The following MBD5 variants were observed in gnomAD, a reference collection of about 807,000 sequenced individuals.
MBD5 encodes methyl-CpG binding domain protein 5.
A neutral mutation model predicts 117.3 loss-of-function variants in MBD5; 13 were observed. The observed-to-expected ratio is 0.11, with a 90% CI of 0.07 to 0.18. The LOEUF (loss-of-function observed/expected upper bound fraction) is 0.18, where lower values mean the gene tolerates loss of function less well. Ranked by LOEUF, MBD5 falls within the 10% of genes least tolerant of loss-of-function variation. MBD5 has a pLI of 1.00. For synonymous variants in MBD5, 727 were observed against 766.4 expected, an observed-to-expected ratio of 0.95 and a Z score of 0.85; for missense variants, 1,879 against 2,093.8, an observed-to-expected ratio of 0.90 and a Z score of 2.00.
chr2:148,021,647 G>T lies in MBD5; in HGVS notation c.-962G>T. The T allele has an allele frequency of 2.4e-6, 1 of 408,714 alleles. No homozygotes were observed. The highest frequency in any genetic ancestry group is 4.8e-6 in the Non-Finnish European group (1 of 206,656). 25.3% of individuals were successfully genotyped at this position (408,714 alleles called of 1,614,324 possible). Reference sequence around the variant, plus strand: ...ATTACCCTTTGTGTCATCCTCCACAGCTCCAGGGAAGGCACTCAAAAGTGG... The same window carrying T: ...ATTACCCTTTGTGTCATCCTCCACATCTCCAGGGAAGGCACTCAAAAGTGG... On this transcript the variant is annotated 5_prime_UTR_variant, in exon 1 of 14. Transcript: ENST00000642680.
chr2:148,489,670 G>C lies in MBD5; in HGVS notation c.4038G>C (p.Gln1346His). 1.2e-6 allele frequency: 2 copies of C among 1,614,140 alleles called. No individual in the cohort carries two copies. Among genetic ancestry groups the C allele is most frequent in the Non-Finnish European group, 1.7e-6 (2 of 1,180,028 alleles). The change falls in exon 11 of 14, where the codon CAG becomes CAC. Residue 1346 changes from glutamine (Q) to histidine (H), a missense_variant. By Grantham distance (24) the Gln-to-His change is conservative. Around this residue, in one of 4 missense-constraint regions of MBD5, gnomAD observed 1,666 missense variants for 1,792.2 expected, o/e 0.93. Transcript: ENST00000642680. ...CCACTGCAGTCAACAGTACAACTCA[G>C]ATCAGCCCCATTCCAGCTCTGAGTG... ...VITTAVNSTT[Q>H]ISPIPALSAM...
In MBD5 at chr2:148,516,444, C is replaced by T. The variant is rs1399134214; in HGVS notation, c.*3503C>T. 2.6e-5 allele frequency: 4 copies of T among 152,298 alleles called. No homozygotes were observed. The highest frequency in any genetic ancestry group is 2.1e-4 in the South Asian group (1 of 4,826). The allele number at this position is 152,298 out of a possible 1,614,324, so 9.4% of individuals were successfully genotyped here. A position where few individuals can be genotyped will look rare whatever the true frequency, so the allele number is the denominator to read the frequency against. ...CTCAAGACTTTTCAATGTAGTATAT[C>T]AAATGAGTTGTGCATTGATTCATTT... On this transcript the variant is annotated 3_prime_UTR_variant, in exon 14 of 14. Transcript: ENST00000642680.
intron 3 of MBD5, among the ~76,000 whole-genome samples, chr2:148,296,889 A>G (rs1457610387): frequency 3.8e-4 from 1 of 2,630 alleles, no homozygotes; most frequent in Non-Finnish European, 7.9e-3. Context: ...TTTTTTGGAG[A>G]CAGAGTCTCA....
At chr2:148,473,347 A>G (rs928940495) in intron 8 of MBD5, among the ~76,000 whole-genome samples, 33 of 152,204 alleles carry the variant, frequency 2.2e-4, no homozygotes, top group Non-Finnish European at 3.8e-4. Flanking sequence ...GTGACGTGTC[A>G]GTAGGCCTTT....
At chr2:148,035,270 G>C (rs1694158207) in intron 1 of MBD5, among the ~76,000 whole-genome samples, 1 of 151,826 alleles carries the variant, frequency 6.6e-6, no homozygotes, top group African/African-American at 2.4e-5. Flanking sequence ...GAATAAGCAG[G>C]GTGCACTATT....
At chr2:148,355,709 A>G (rs994056036) in intron 4 of MBD5, among the ~76,000 whole-genome samples, 1 of 152,212 alleles carries the variant, frequency 6.6e-6, no homozygotes, top group Non-Finnish European at 1.5e-5. Flanking sequence ...GAAGTCCAGT[A>G]GTGTGATGCC....
chr2:148,510,934 T>A (rs1404184), intron 13 of MBD5, among the ~76,000 whole-genome samples: 35,447 of 152,030 alleles, frequency 0.23, 6,690 homozygotes, highest in African/African-American at 0.53. Flanking sequence ...CCAGGCAAAT[T>A]ATATCAGTAA....
At chr2:148,509,996 G>A in intron 12 of MBD5, 64 bp from the exon 13 acceptor site, 16 of 1,293,486 alleles carry the variant, frequency 1.2e-5, no homozygotes, top group South Asian at 1.2e-4. Flanking sequence ...TTCTGATTAG[G>A]AAATTAAATT....
In MBD5 at chr2:148,469,416, G is replaced by A; in HGVS notation, c.1473G>A (p.Arg491=). 6.2e-7 allele frequency: 1 copy of A among 1,613,812 alleles called. No individual in the cohort carries two copies. The stretch of plus-strand genomic sequence containing the variant: ...CTAGTGGTATTAAGGTTCCACCCAG[G>A]TCACCAAGGTCAACAATAGGGTCCC... ...ATSSGIKVPP[R]SPRSTIGSPR... is the part of the protein sequence containing the mutation. The change falls in exon 8 of 14, where the codon AGG becomes AGA. Residue 491 remains arginine, a synonymous_variant. Transcript: ENST00000642680.
intron 4 of MBD5, among the ~76,000 whole-genome samples, chr2:148,389,710 T>C (rs1178555941): frequency 3.9e-5 from 6 of 152,164 alleles, no homozygotes; most frequent in African/African-American, 1.4e-4. Context: ...TTCACATGTT[T>C]GTTGGATGTT....
At chr2:148,098,172 G>A (rs756059042) in intron 1 of MBD5, among the ~76,000 whole-genome samples, 6 of 152,190 alleles carry the variant, frequency 3.9e-5, no homozygotes, top group Non-Finnish European at 8.8e-5. Flanking sequence ...GCAGGTGGGA[G>A]ACCAGTTTAG....
chr2:148,494,039 A>G (rs965067959), intron 11 of MBD5, among the ~76,000 whole-genome samples: 2 of 152,234 alleles, frequency 1.3e-5, no homozygotes, highest in Admixed American at 1.3e-4. Context: ...ATTCAGTGAA[A>G]TACTGTAGAT....
Position 148,469,650 on chromosome 2 carries a change from C to T in MBD5, c.1707C>T (p.His569=), listed in dbSNP as rs1051380655. 6.2e-7 allele frequency: 1 copy of T among 1,613,994 alleles called. No homozygotes were observed. The highest frequency in any genetic ancestry group is 8.5e-7 in the Non-Finnish European group (1 of 1,179,898). The change falls in exon 8 of 14, where the codon CAC becomes CAT. Residue 569 remains histidine (H), a synonymous_variant. Transcript: ENST00000642680. Reference sequence around the variant, plus strand: ...CTTTAAATCAGATCTTGAACCAGCACAATGCTGCCTCCTTTCCAGCAAGTA... The same window carrying T: ...CTTTAAATCAGATCTTGAACCAGCATAATGCTGCCTCCTTTCCAGCAAGTA... ...GMPLNQILNQ[H]NAASFPASSL... is the part of the protein sequence containing the mutation.
chr2:148,383,328 T>C (rs1434209501), intron 4 of MBD5, among the ~76,000 whole-genome samples: 2 of 151,994 alleles, frequency 1.3e-5, no homozygotes, highest in Non-Finnish European at 2.9e-5. Context: ...CTATAAACAC[T>C]TCTACGCAAA....
At chr2:148,324,464 C>T (rs1425888510) in intron 3 of MBD5, among the ~76,000 whole-genome samples, 4 of 152,204 alleles carry the variant, frequency 2.6e-5, no homozygotes, top group South Asian at 4.1e-4. Context: ...TCTTCCTACC[C>T]ATGAGCATGG....
chr2:148,234,989 C>A (rs1700062042), intron 3 of MBD5, among the ~76,000 whole-genome samples: 1 of 152,100 alleles, frequency 6.6e-6, no homozygotes, highest in Non-Finnish European at 1.5e-5. Flanking sequence ...TTGGTATCTG[C>A]AAGGGATTGA....
At chr2:148,128,676 T>G (rs1696961128) in intron 1 of MBD5, among the ~76,000 whole-genome samples, 1 of 152,244 alleles carries the variant, frequency 6.6e-6, no homozygotes, top group African/African-American at 2.4e-5. Context: ...AGTAGTCACA[T>G]GTACAATATA....
intron 3 of MBD5, among the ~76,000 whole-genome samples, chr2:148,280,151 C>G (rs201241891): frequency 6.5e-5 from 6 of 92,608 alleles, no homozygotes; most frequent in African/African-American, 2.0e-4. Context: ...AAAAAAAAAA[C>G]AAAAAGAAAA....
At chr2:148,265,470 T>C (rs1238510547) in intron 3 of MBD5, among the ~76,000 whole-genome samples, 1 of 152,194 alleles carries the variant, frequency 6.6e-6, no homozygotes, top group African/African-American at 2.4e-5. Flanking sequence ...GTATCATAAT[T>C]TGTTCAAAAA....
Sources: allele counts gnomAD v4.1 joint callset (sites outside exome capture counted in the v4.1 genomes callset), GRCh38; gene constraint gnomAD v4.1.1; regional missense constraint gnomAD v4.1.1; transcripts MANE v1.5; gene names NCBI Gene and HGNC (gene_info 2026-07-23, HGNC 2026-07-21).